RAPGEF5: variants seen among roughly 807,000 people sequenced by gnomAD.
RAPGEF5 encodes Rap guanine nucleotide exchange factor 5, also known as M-Ras-regulated GEF.
In RAPGEF5, 65 loss-of-function variants were observed where a neutral mutation model predicts 125.2. That is an observed-to-expected ratio of 0.52 (90% CI 0.43 to 0.64). The LOEUF (loss-of-function observed/expected upper bound fraction) is 0.64, where lower values mean the gene tolerates loss of function less well. Among genes scored for constraint, RAPGEF5 ranks in the 30% least tolerant of loss-of-function variants. The probability of loss-of-function intolerance (pLI) is 0.00; values close to 1 mark genes in which losing one functional copy is unlikely to be tolerated. For synonymous variants in RAPGEF5, 391 were observed against 385.9 expected (o/e 1.01, Z -0.16); for missense variants, 958 against 1,048.1 (o/e 0.91, Z 1.19).
Position 22,291,128 on chromosome 7 carries a change from G to A in RAPGEF5, c.747+47C>T, listed in dbSNP as rs776547597. ...AAAGAACTTCCCTTCTAGGACCCCAGCTTCATTATTTCTGCACCCCTAGGC... is the reference window on the plus strand; with the variant it reads ...AAAGAACTTCCCTTCTAGGACCCCAACTTCATTATTTCTGCACCCCTAGGC... On this transcript the variant is annotated intron_variant, in intron 6 of 25. Coordinates refer to ENST00000665637, the MANE Select transcript of RAPGEF5 (RefSeq NM_012294.5). The A allele has an allele frequency of 2.3e-5, 35 of 1,521,936 alleles. No homozygotes were observed. In the African/African-American group the frequency reaches 4.2e-4, roughly 18 times the overall value. 94.3% of individuals were successfully genotyped at this position (1,521,936 alleles called of 1,614,324 possible). A position where few individuals can be genotyped will look rare whatever the true frequency, so the allele number is the denominator to read the frequency against.
At chr7:22,316,489 ATTTTTTT>A (rs1174593478) in intron 2 of RAPGEF5, among the ~76,000 whole-genome samples, 1 of 50,644 alleles carries the variant, frequency 2.0e-5, no homozygotes, top group African/African-American at 8.2e-5. Context: ...ATATATATAT[ATTTTTTT>A]TTTTTTTTTT....
chr7:22,266,321 C>T (rs967293971), intron 7 of RAPGEF5, among the ~76,000 whole-genome samples: 3 of 152,150 alleles, frequency 2.0e-5, no homozygotes, highest in Non-Finnish European at 4.4e-5. Flanking sequence ...TACTGACATT[C>T]CTCCCATCTA....
intron 21 of RAPGEF5, 59 bp from the exon 22 acceptor site, chr7:22,137,042 C>G: frequency 7.7e-7 from 1 of 1,300,454 alleles, no homozygotes; most frequent in Non-Finnish European, 1.1e-6. Context: ...TTTTCAGAGG[C>G]ATCGAAGGGA....
chr7:22,287,150 G>C (rs1409703246), intron 6 of RAPGEF5, among the ~76,000 whole-genome samples: 1 of 152,206 alleles, frequency 6.6e-6, no homozygotes, highest in African/African-American at 2.4e-5. Flanking sequence ...ACTTCTTACA[G>C]AGTTTCACTG....
At chr7:22,311,523 G>A (rs1329963498) in intron 3 of RAPGEF5, among the ~76,000 whole-genome samples, 1 of 152,078 alleles carries the variant, frequency 6.6e-6, no homozygotes, top group Non-Finnish European at 1.5e-5. Flanking sequence ...TTTCTGGGGT[G>A]AAGAAAAATA....
At chr7:22,334,430 C>T (rs1783987934) in intron 1 of RAPGEF5, among the ~76,000 whole-genome samples, 1 of 152,172 alleles carries the variant, frequency 6.6e-6, no homozygotes, top group Non-Finnish European at 1.5e-5. Context: ...TGTCGTTAAT[C>T]ATGTTCCAGA....
intron 6 of RAPGEF5, among the ~76,000 whole-genome samples, chr7:22,273,662 GTCT>G: frequency 6.6e-6 from 1 of 152,330 alleles, no homozygotes; most frequent in Middle Eastern, 3.4e-3. Flanking sequence ...AACTGGAATA[GTCT>G]TCTACGATTT....
At position 22,133,172 on chromosome 7, in the gene RAPGEF5, G is replaced by A. The variant is rs13222655; in HGVS notation, c.2417-2071C>T. On this transcript the variant is annotated intron_variant, in intron 23 of 25. Transcript: ENST00000665637. ...CTTAGCTCTCAGTAGAGTGTGTGGCGGCTCTATTGAGGGGCCAGGGCCTGT... is the reference window on the plus strand; with the variant it reads ...CTTAGCTCTCAGTAGAGTGTGTGGCAGCTCTATTGAGGGGCCAGGGCCTGT... Among the ~76,000 whole-genome samples, 296 of 152,268 alleles carry A rather than the reference G, an allele frequency of 1.9e-3. 2 individuals carry two copies. Among genetic ancestry groups the A allele is most frequent in the Non-Finnish European group, 3.8e-3 (258 of 68,020 alleles).
intron 1 of RAPGEF5, among the ~76,000 whole-genome samples, chr7:22,327,044 C>A (rs1783827923): frequency 6.6e-6 from 1 of 152,066 alleles, no homozygotes; most frequent in East Asian, 1.9e-4. Flanking sequence ...GAAAAAGGAG[C>A]AATTAGTTTC....
chr7:22,243,587 A>G (rs1403619395), intron 7 of RAPGEF5, among the ~76,000 whole-genome samples: 1 of 152,224 alleles, frequency 6.6e-6, no homozygotes, highest in Non-Finnish European at 1.5e-5. Flanking sequence ...ATTAGTTATC[A>G]GCCCAATCTA....
chr7:22,230,444 G>A (rs1423874940), intron 8 of RAPGEF5, among the ~76,000 whole-genome samples: 2 of 152,188 alleles, frequency 1.3e-5, no homozygotes, highest in East Asian at 1.9e-4. Context: ...TTTTTATGGT[G>A]CAATAGTATT....
Position 22,266,858 on chromosome 7 carries a change from T to C in RAPGEF5, c.796+106A>G, listed in dbSNP as rs112288296. ...ACAAATGGTATAATTCTTTGCATTC[T>C]ACACCATAACTTCCTGAGATACACT... On this transcript the variant is annotated intron_variant, in intron 7 of 25. Transcript: ENST00000665637. The C allele has an allele frequency of 3.0e-3, 3,452 of 1,139,768 alleles. 69 individuals are homozygous for C. In the African/African-American group the frequency reaches 0.045, roughly 15 times the overall value. 70.6% of individuals were successfully genotyped at this position (1,139,768 alleles called of 1,614,324 possible).
intron 1 of RAPGEF5, among the ~76,000 whole-genome samples, chr7:22,346,957 G>A (rs1784234890): frequency 6.6e-6 from 1 of 152,114 alleles, no homozygotes; most frequent in Non-Finnish European, 1.5e-5. Context: ...ACAAATTACA[G>A]TGACTCAAAG....
At chr7:22,225,292 A>C (rs1403736238) in intron 8 of RAPGEF5, among the ~76,000 whole-genome samples, 1 of 152,224 alleles carries the variant, frequency 6.6e-6, no homozygotes, top group Non-Finnish European at 1.5e-5. Context: ...CTTACTTTTT[A>C]AAATGGGCTT....
At chr7:22,332,365 A>G (rs1783939304) in intron 1 of RAPGEF5, among the ~76,000 whole-genome samples, 1 of 152,190 alleles carries the variant, frequency 6.6e-6, no homozygotes, top group Non-Finnish European at 1.5e-5. Flanking sequence ...GAGCAAATGA[A>G]GCTCCAGGAG....
In RAPGEF5 at chr7:22,149,163, G is replaced by A. The variant is rs73077697; in HGVS notation, c.1884+1244C>T. Among the ~76,000 whole-genome samples, 1,519 of 152,306 alleles carry A rather than the reference G, an allele frequency of 1.0e-2. 10 individuals carry two copies. Among genetic ancestry groups the A allele is most frequent in the Non-Finnish European group, 0.016 (1,070 of 68,032 alleles). ...CGTGGGGTTACTGGAAGTGTTAAACGAGATACCGTATGTAAATTACTCAGC... is the reference window on the plus strand; with the variant it reads ...CGTGGGGTTACTGGAAGTGTTAAACAAGATACCGTATGTAAATTACTCAGC... On this transcript the variant is annotated intron_variant, in intron 18 of 25. Transcript: ENST00000665637.
chr7:22,140,606 A>G (rs945955294), intron 20 of RAPGEF5, among the ~76,000 whole-genome samples: 8 of 152,212 alleles, frequency 5.3e-5, no homozygotes, highest in South Asian at 2.1e-4. Context: ...TAATATGTAT[A>G]TATTTTAAAT....
At chr7:22,132,273 G>T (rs993399520) in intron 23 of RAPGEF5, among the ~76,000 whole-genome samples, 1 of 152,082 alleles carries the variant, frequency 6.6e-6, no homozygotes, top group East Asian at 1.9e-4. Flanking sequence ...GGTGACAATA[G>T]TTACACAGTT....
intron 1 of RAPGEF5, among the ~76,000 whole-genome samples, chr7:22,337,653 G>A (rs1784050953): frequency 6.6e-6 from 1 of 152,150 alleles, no homozygotes; most frequent in Non-Finnish European, 1.5e-5. Flanking sequence ...CAGTCTGGAG[G>A]TTCAAGGCAA....
Sources: gnomAD v4.1 joint callset for allele counts (sites outside exome capture counted in the v4.1 genomes callset) on GRCh38, gnomAD v4.1.1 for gene constraint, MANE v1.5 for transcripts, NCBI Gene and HGNC (gene_info 2026-07-23, HGNC 2026-07-21) for gene names.